Variants in NSUN2 observed in about 807,000 individuals in gnomAD.
NSUN2 encodes the protein NOP2/Sun RNA methyltransferase 2.
In NSUN2, 63 loss-of-function variants were observed where a neutral mutation model predicts 92.7. That is an observed-to-expected ratio of 0.68 (90% CI 0.56 to 0.84). NSUN2 has a LOEUF of 0.84. NSUN2 is among the 40% of genes least tolerant of loss of function. The probability of loss-of-function intolerance (pLI) is 0.00; values close to 1 mark genes in which losing one functional copy is unlikely to be tolerated. For synonymous variants in NSUN2, 356 were observed against 348.3 expected, an observed-to-expected ratio of 1.02 and a Z score of -0.25; for missense variants, 989 against 964.9, an observed-to-expected ratio of 1.02 and a Z score of -0.33.
rs1280856860 is a variant in NSUN2, at chr5:6,599,889, GT to G, written c.*36del. The G allele has an allele frequency of 5.7e-6, 9 of 1,587,842 alleles. No homozygotes were observed. In the African/African-American group the frequency reaches 1.1e-4, roughly 19 times the overall value. ...AGTGACCAGAAGAAGCCAGTTTTGCGTGTGAGGGGTGTGGGCCCCCGCTGCC... is the reference window on the plus strand; with the variant it reads ...AGTGACCAGAAGAAGCCAGTTTTGCGGTGAGGGGTGTGGGCCCCCGCTGCC... On this transcript the variant is annotated 3_prime_UTR_variant, in exon 19 of 19. Transcript: ENST00000264670.
chr5:6,621,372 T>A (rs966972489), intron 6 of NSUN2: 3 of 151,978 alleles, frequency 2.0e-5, no homozygotes, highest in Non-Finnish European at 4.4e-5. Flanking sequence ...GTAATAATAA[T>A]GAACAAAGGT....
intron 15 of NSUN2, chr5:6,604,973 CA>C: frequency 1.7e-6 from 1 of 593,570 alleles, no homozygotes; most frequent in Admixed American, 3.0e-5. Context: ...GCAGCCTCTA[CA>C]CCTTTAGTAC....
chr5:6,619,649 C>T (rs924541707), intron 7 of NSUN2, among the ~76,000 whole-genome samples: 3 of 152,110 alleles, frequency 2.0e-5, no homozygotes, highest in African/African-American at 7.2e-5. Flanking sequence ...GCTTGAACTC[C>T]GAAATTTCTT....
intron 9 of NSUN2, among the ~76,000 whole-genome samples, chr5:6,614,905 C>G (rs533334852): frequency 2.0e-4 from 30 of 152,310 alleles, no homozygotes; most frequent in Admixed American, 7.8e-4. Context: ...AAGAGCCTCT[C>G]TCACCTAAGA....
chr5:6,609,784 C>T, intron 12 of NSUN2, 42 bp downstream of exon 12: 1 of 1,491,950 alleles, frequency 6.7e-7, no homozygotes, highest in Non-Finnish European at 9.3e-7. Context: ...CTTAAATGTA[C>T]AAGATCAAAT....
Position 6,620,258 on chromosome 5 carries a change from G to C in NSUN2, c.663C>G (p.Cys221Trp), listed in dbSNP as rs1395090031. ...VIANDVDNKR[C>W]YLLVHQAKRL... ...TCTTGGCTTGATGGACGAGCAGGTA[G>C]CAGCGCTTGTTGTCCACATCATTCG... is the stretch of plus-strand genomic sequence containing the variant. Residue 221 changes from cysteine to tryptophan, a missense_variant, in exon 7 of 19, where the codon TGC (cysteine) becomes TGG (tryptophan). By Grantham distance (215) the Cys-to-Trp change is radical. Coordinates refer to ENST00000264670, the MANE Select transcript of NSUN2 (RefSeq NM_017755.6). The C allele has an allele frequency of 6.2e-7, 1 of 1,607,368 alleles. No individual in the cohort carries two copies. Among genetic ancestry groups the C allele is most frequent in the African/African-American group, 1.3e-5 (1 of 74,492 alleles).
At chr5:6,606,686 G>C (rs1174238766) in intron 14 of NSUN2, 134 bp downstream of exon 14, 1 of 466,002 alleles carries the variant, frequency 2.1e-6, no homozygotes, top group African/African-American at 3.9e-5. Flanking sequence ...CTAATATGCA[G>C]TTAAAAAGGT....
chr5:6,620,462 AAC>A (rs1237636779), intron 6 of NSUN2, 164 bp from the exon 7 acceptor site: 2 of 474,928 alleles, frequency 4.2e-6, no homozygotes, highest in African/African-American at 4.0e-5. Context: ...CAAAAAAAGG[AAC>A]CAGGTGGCTC....
intron 17 of NSUN2, 26 bp from the exon 18 acceptor site, chr5:6,602,526 G>C: frequency 1.2e-6 from 2 of 1,613,848 alleles, no homozygotes; most frequent in Middle Eastern, 1.6e-4. Context: ...ACACACATTT[G>C]CCAGGTTTTC....
chr5:6,620,409 T>A, intron 6 of NSUN2, 111 bp from the exon 7 acceptor site: 1 of 794,286 alleles, frequency 1.3e-6, no homozygotes, highest in Non-Finnish European at 1.9e-6. Context: ...CCACCAAACT[T>A]AAGACCCACA....
chr5:6,616,718 C>A lies in NSUN2; in HGVS notation c.1021+9G>T. ...TGCTGTTAATAAAAGATCCATCAAG[C>A]GTGCTTACCTTCACTTTTTTCCAGT... On this transcript the variant is annotated intron_variant, in intron 9 of 18. Transcript: ENST00000264670. 1.5e-6 allele frequency: 2 copies of A among 1,367,490 alleles called. No individual in the cohort carries two copies. The highest frequency in any genetic ancestry group is 5.7e-5 in the African/African-American group (2 of 35,066). The allele number at this position is 1,367,490 out of a possible 1,614,324, so 84.7% of individuals were successfully genotyped here.
Position 6,631,968 on chromosome 5 carries a change from T to C in NSUN2, c.264A>G (p.Lys88=), listed in dbSNP as rs1737921245. ...TGTTCTTTAAGCAATGGAGAATCTC[T>C]TTTGCGTGGCTATTGAAAAATAAGG... ...LRITGYKSHA[K]EILHCLKNKY... is the part of the protein sequence containing the mutation. The change falls in exon 3 of 19, where the codon AAA becomes AAG. Residue 88 remains lysine, a synonymous_variant. Transcript: ENST00000264670. 1 of 1,609,734 alleles carries C rather than the reference T, an allele frequency of 6.2e-7. No homozygotes were observed. The highest frequency in any genetic ancestry group is 1.7e-5 in the Admixed American group (1 of 59,704).
chr5:6,630,803 C>T (rs913505778), intron 3 of NSUN2, among the ~76,000 whole-genome samples: 2 of 152,128 alleles, frequency 1.3e-5, no homozygotes, highest in African/African-American at 2.4e-5. Context: ...TGATGCAAAA[C>T]GCTTAATTTG....
At position 6,611,806 on chromosome 5, in the gene NSUN2, G is replaced by T. The variant is rs1382464729; in HGVS notation, c.1022-8C>A. The T allele has an allele frequency of 2.5e-6, 4 of 1,613,698 alleles. No homozygotes were observed. Among genetic ancestry groups the T allele is most frequent in the Non-Finnish European group, 8.5e-7 (1 of 1,179,662 alleles). On this transcript the variant is annotated splice_polypyrimidine_tract_variant and splice_region_variant and intron_variant, in intron 9 of 18. Transcript: ENST00000264670. ...CAGCAAGCTCCAAAGCACCTGTGCA[G>T]CAAAAGCATGGACGTCTTTTGTTTT... is the stretch of plus-strand genomic sequence containing the variant.
rs1358083997 is a variant in NSUN2, at chr5:6,604,374, G to GTC, written c.1819-100_1819-99dup. On this transcript the variant is annotated intron_variant, in intron 16 of 18. Coordinates refer to ENST00000264670, the MANE Select transcript of NSUN2 (RefSeq NM_017755.6). ...GGCTATGCTCTTAGCGGCTATGGTG[G>GTC]TCGAGCCCTCACTATGGCCCCTCCC... is the stretch of plus-strand genomic sequence containing the variant. 5.0e-6 allele frequency: 6 copies of GTC among 1,196,812 alleles called. No homozygotes were observed. The Admixed American group carries it at 1.3e-4, about 25-fold the overall frequency. 74.1% of individuals were successfully genotyped at this position (1,196,812 alleles called of 1,614,324 possible).
chr5:6,604,955 C>T, intron 15 of NSUN2: 1 of 595,388 alleles, frequency 1.7e-6, no homozygotes, highest in Non-Finnish European at 3.0e-6. Flanking sequence ...GTCGGGGCAG[C>T]AGTACTCGCA....
chr5:6,632,969 C>T lies in NSUN2; in HGVS notation c.11G>A (p.Arg4Gln), dbSNP rs1423879680. MGR[R>Q]SRGRRLQQQQ... ...TTGCTGGAGCCGCCGACCCCGCGACCGCCGCCCCATAGCCCACGCGGCCGC... is the reference window on the plus strand; with the variant it reads ...TTGCTGGAGCCGCCGACCCCGCGACTGCCGCCCCATAGCCCACGCGGCCGC... Residue 4 changes from arginine (R) to glutamine (Q), a missense_variant, in exon 1 of 19, where the codon CGG becomes CAG. By Grantham distance (43) the Arg-to-Gln change is conservative. Transcript: ENST00000264670. The T allele has an allele frequency of 6.7e-7, 1 of 1,487,078 alleles. No individual in the cohort carries two copies. Among genetic ancestry groups the T allele is most frequent in the Admixed American group, 2.3e-5 (1 of 44,244 alleles). The allele number at this position is 1,487,078 out of a possible 1,614,324, so 92.1% of individuals were successfully genotyped here.
At chr5:6,623,646 CA>C (rs1737547434) in intron 4 of NSUN2, among the ~76,000 whole-genome samples, 1 of 152,168 alleles carries the variant, frequency 6.6e-6, no homozygotes, top group Admixed American at 6.5e-5. Context: ...CAACAGACAG[CA>C]TCAACTTAGG....
At chr5:6,602,625 T>C (rs1736603502) in intron 17 of NSUN2, 125 bp from the exon 18 acceptor site, 1 of 930,844 alleles carries the variant, frequency 1.1e-6, no homozygotes, top group Non-Finnish European at 1.8e-6. Context: ...TAATCTACAT[T>C]CTTGGCTTCA....
Sources: allele counts gnomAD v4.1 joint callset (sites outside exome capture counted in the v4.1 genomes callset), GRCh38; gene constraint gnomAD v4.1.1; transcripts MANE v1.5; gene names NCBI Gene and HGNC (gene_info 2026-07-23, HGNC 2026-07-21).